F5: variants seen among roughly 807,000 people sequenced by gnomAD.
F5 encodes the protein coagulation factor V.
A neutral mutation model predicts 216.4 loss-of-function variants in F5; 138 were observed. The ratio of observed to expected loss-of-function variants is 0.64; its 90% confidence interval spans 0.56 to 0.73. F5 has a LOEUF of 0.73. Among genes scored for constraint, F5 ranks in the 30% least tolerant of loss-of-function variants. The pLI, the probability that F5 is intolerant of heterozygous loss-of-function variation, is 0.00. For synonymous variants in F5, 916 were observed against 930.7 expected (o/e 0.98, Z 0.29); for missense variants, 2,403 against 2,674.0 (o/e 0.90, Z 2.24).
intron 2 of F5, among the ~76,000 whole-genome samples, chr1:169,577,601 A>ATATATATATATATG (rs1660891690): frequency 1.0e-5 from 1 of 97,144 alleles, no homozygotes; most frequent in Admixed American, 1.0e-4. Flanking sequence ...ATATATATAT[A>ATATATATATATATG]TATGTATGTA....
At chr1:169,531,892 A>G (rs930473457) in intron 14 of F5, among the ~76,000 whole-genome samples, 2 of 152,174 alleles carry the variant, frequency 1.3e-5, no homozygotes, top group African/African-American at 4.8e-5. Context: ...CAAAGACACA[A>G]TGAATAATGA....
chr1:169,561,713 G>A (rs541332366), intron 3 of F5, among the ~76,000 whole-genome samples: 1 of 152,056 alleles, frequency 6.6e-6, no homozygotes. Flanking sequence ...AGTTATTTTT[G>A]TTTGGTACAA....
chr1:169,572,956 T>C (rs935333685), intron 2 of F5, among the ~76,000 whole-genome samples: 4 of 143,322 alleles, frequency 2.8e-5, no homozygotes, highest in Admixed American at 2.0e-4. Flanking sequence ...ATTTTTCTTT[T>C]TTTTTTTGAG....
intron 14 of F5, among the ~76,000 whole-genome samples, chr1:169,533,254 A>G (rs911795534): frequency 1.3e-5 from 2 of 152,202 alleles, no homozygotes; most frequent in Non-Finnish European, 2.9e-5. Flanking sequence ...ATATACAAAA[A>G]TTAACTCAAA....
At chr1:169,553,024 G>A (rs1028592247) in intron 7 of F5, among the ~76,000 whole-genome samples, 25 of 152,080 alleles carry the variant, frequency 1.6e-4, no homozygotes, top group Admixed American at 1.4e-3. Flanking sequence ...GATATCTCTG[G>A]GAAAAGGCCT....
chr1:169,568,189 T>C (rs1410145220), intron 3 of F5, among the ~76,000 whole-genome samples: 2 of 152,100 alleles, frequency 1.3e-5, no homozygotes, highest in African/African-American at 4.8e-5. Context: ...GTCAGTTACA[T>C]ATAAGATGAA....
At chr1:169,531,938 C>T (rs1040249127) in intron 14 of F5, among the ~76,000 whole-genome samples, 2 of 152,108 alleles carry the variant, frequency 1.3e-5, no homozygotes, top group East Asian at 1.9e-4. Context: ...TACATAGACA[C>T]AAAAATCTTC....
At chr1:169,574,808 ATAC>A (rs1660805662) in intron 2 of F5, among the ~76,000 whole-genome samples, 1 of 152,196 alleles carries the variant, frequency 6.6e-6, no homozygotes, top group Non-Finnish European at 1.5e-5. Flanking sequence ...CCACTTCTTT[ATAC>A]TACACCTCCA....
chr1:169,518,056 A>C (rs544852726), intron 23 of F5, among the ~76,000 whole-genome samples: 1 of 152,326 alleles, frequency 6.6e-6, no homozygotes, highest in East Asian at 1.9e-4. Context: ...CATATTGTTT[A>C]TGGCTACTTT....
At chr1:169,528,205 A>G (rs1659504491) in intron 16 of F5, 111 bp from the exon 17 acceptor site, 2 of 1,360,340 alleles carry the variant, frequency 1.5e-6, no homozygotes, top group Non-Finnish European at 2.0e-6. Context: ...ATGATTCTGC[A>G]TTCCCAGGCC....
chr1:169,542,970 C>T lies in F5; in HGVS notation c.2120G>A (p.Arg707Gln), dbSNP rs776761411. The T allele has an allele frequency of 2.2e-4, 356 of 1,613,884 alleles. No homozygotes were observed. Among genetic ancestry groups the T allele is most frequent in the Admixed American group, 6.3e-4 (38 of 59,970 alleles). Residue 707 changes from arginine (R) to glutamine (Q), a missense_variant, in exon 13 of 25, where the codon CGG becomes CAG. Arg to Gln is a conservative substitution (Grantham distance 43, BLOSUM62 1). Coordinates refer to ENST00000367797, the MANE Select transcript of F5 (RefSeq NM_000130.5). ...EPPESTVMAT[R>Q]KMHDRLEPED... is the part of the protein sequence containing the mutation. ...AGGTTCTAAACGATCATGCATTTTC[C>T]GTGTAGCCATGACTGTAGATTCTGG...
In F5 at chr1:169,542,497, G is replaced by T. The variant is rs758962914; in HGVS notation, c.2593C>A (p.His865Asn). 1 of 1,614,090 alleles carries T rather than the reference G, an allele frequency of 6.2e-7. No individual in the cohort carries two copies. Among genetic ancestry groups the T allele is most frequent in the Non-Finnish European group, 8.5e-7 (1 of 1,179,984 alleles). Residue 865 changes from histidine to asparagine, a missense_variant, in exon 13 of 25, where the codon CAT becomes AAT. By Grantham distance (68) the His-to-Asn change is moderately conservative. Around this residue, in one of 4 missense-constraint regions of F5, gnomAD observed 1,425 missense variants for 1,554.8 expected, o/e 0.92. Transcript: ENST00000367797. ...GEFKSQEHAK[H>N]KGPKVERDQA... Reference sequence around the variant, plus strand: ...TCTCTTTCTACCTTGGGTCCCTTATGCTTAGCATGTTCTTGACTTTTGAAT... The same window carrying T: ...TCTCTTTCTACCTTGGGTCCCTTATTCTTAGCATGTTCTTGACTTTTGAAT...
Position 169,552,753 on chromosome 1 carries a change from A to G in F5, c.1119-19T>C. The G allele has an allele frequency of 6.3e-7, 1 of 1,578,590 alleles. No individual in the cohort carries two copies. Among genetic ancestry groups the G allele is most frequent in the Non-Finnish European group, 8.7e-7 (1 of 1,149,764 alleles). ...GTATTTTCTTAAAGTGAAGTAAAAA[A>G]AAATTAAACCACTTTCTCAAATAGA... On this transcript the variant is annotated intron_variant, in intron 7 of 24. Transcript: ENST00000367797.
chr1:169,514,448 T>C lies in F5; in HGVS notation c.6540A>G (p.Gly2180=). ...TCACATGTCCTTTGGTATTAGTATT[T>C]CCTTCAAAAATCTGAAAGCCAAATA... The part of the protein sequence containing the change: ...KSSMVDKIFE[G]NTNTKGHVKN... Residue 2180 remains glycine, a synonymous_variant, in exon 25 of 25, where the codon GGA becomes GGG. Coordinates refer to ENST00000367797, the MANE Select transcript of F5 (RefSeq NM_000130.5). 2 of 1,612,968 alleles carry C rather than the reference T, an allele frequency of 1.2e-6. No individual in the cohort carries two copies. Among genetic ancestry groups the C allele is most frequent in the Non-Finnish European group, 1.7e-6 (2 of 1,179,390 alleles).
rs1659054518 is a variant in F5, at chr1:169,512,597, G to T, written c.*1716C>A. ...AGAAGCTGGCCCTGTAGAAAACAAA[G>T]AAATGTTTTCCCCCACCTTCCAACA... On this transcript the variant is annotated 3_prime_UTR_variant, in exon 25 of 25. Transcript: ENST00000367797. Among the ~76,000 whole-genome samples the T allele has an allele frequency of 6.6e-6, 1 of 151,986 alleles. No homozygotes were observed. The highest frequency in any genetic ancestry group is 1.5e-5 in the Non-Finnish European group (1 of 67,956).
intron 2 of F5, among the ~76,000 whole-genome samples, chr1:169,582,035 G>T (rs912956691): frequency 7.9e-5 from 12 of 152,152 alleles, no homozygotes; most frequent in Admixed American, 2.0e-4. Context: ...CTATTTCAAT[G>T]CCCAGCCCAT....
intron 2 of F5, among the ~76,000 whole-genome samples, chr1:169,581,512 G>A (rs117325174): frequency 6.3e-4 from 96 of 152,006 alleles, no homozygotes; most frequent in African/African-American, 1.8e-3. Flanking sequence ...TGGTTTAGTC[G>A]TTGATTTTTA....
intron 14 of F5, among the ~76,000 whole-genome samples, chr1:169,535,834 G>A (rs1289018913): frequency 1.3e-5 from 2 of 152,164 alleles, no homozygotes; most frequent in Admixed American, 6.5e-5. Context: ...TGAAAATGTA[G>A]TGAATGCTTA....
Position 169,560,710 on chromosome 1 carries a change from G to C in F5, c.430C>G (p.Pro144Ala), listed in dbSNP as rs760604679. The C allele has an allele frequency of 6.2e-7, 1 of 1,613,496 alleles. No individual in the cohort carries two copies. Residue 144 changes from proline (P) to alanine (A), a missense_variant, in exon 4 of 25, where the codon CCA (proline) becomes GCA (alanine). Pro to Ala is a conservative substitution (Grantham distance 27, BLOSUM62 -1). Around this residue, in one of 4 missense-constraint regions of F5, gnomAD observed 1,425 missense variants for 1,554.8 expected, o/e 0.92. Coordinates refer to ENST00000367797, the MANE Select transcript of F5 (RefSeq NM_000130.5). ...PAEKMDDAVA[P>A]GREYTYEWSI... ...CATTCATAGGTGTATTCTCGGCCTG[G>C]AGCCACAGCGTCGTCCATCTTCTCC...
Sources: allele counts gnomAD v4.1 joint callset (sites outside exome capture counted in the v4.1 genomes callset), GRCh38; gene constraint gnomAD v4.1.1; regional missense constraint gnomAD v4.1.1; transcripts MANE v1.5; gene names NCBI Gene and HGNC (gene_info 2026-07-23, HGNC 2026-07-21).